The following SGCZ variants were observed in gnomAD, a reference collection of about 807,000 sequenced individuals.
SGCZ encodes zeta-sarcoglycan.
A neutral mutation model predicts 41.3 loss-of-function variants in SGCZ; 40 were observed. That is an observed-to-expected ratio of 0.97 (90% CI 0.75 to 1.26). The LOEUF is 1.26. SGCZ is among the 50% of genes most tolerant of loss of function. SGCZ has a pLI of 0.00. For missense variants in SGCZ, 552 were observed against 369.8 expected (o/e 1.49, Z -4.04); for synonymous variants, 206 against 137.5 (o/e 1.50, Z -3.49).
At chr8:14,603,246 G>A (rs1173787730) in intron 1 of SGCZ, among the ~76,000 whole-genome samples, 1 of 151,994 alleles carries the variant, frequency 6.6e-6, no homozygotes, top group African/African-American at 2.4e-5. Flanking sequence ...AAGTCACTCA[G>A]CAACGTTAGA....
chr8:14,179,331 G>A (rs568107756), intron 4 of SGCZ, among the ~76,000 whole-genome samples: 70 of 152,276 alleles, frequency 4.6e-4, no homozygotes, highest in African/African-American at 1.6e-3. Flanking sequence ...TCCTTAGGCT[G>A]GAAAGCATCC....
intron 2 of SGCZ, among the ~76,000 whole-genome samples, chr8:14,530,767 T>C (rs866116723): frequency 6.6e-6 from 1 of 152,066 alleles, no homozygotes; most frequent in Non-Finnish European, 1.5e-5. Context: ...ACCATCCCTT[T>C]AGCCCAGAAG....
intron 1 of SGCZ, among the ~76,000 whole-genome samples, chr8:14,576,522 G>T (rs1252728998): frequency 1.3e-5 from 2 of 152,170 alleles, no homozygotes; most frequent in African/African-American, 4.8e-5. Flanking sequence ...TTACACAAAA[G>T]AATGGAAAAT....
intron 1 of SGCZ, among the ~76,000 whole-genome samples, chr8:14,897,701 C>T (rs989425535): frequency 2.0e-5 from 3 of 152,192 alleles, no homozygotes; most frequent in East Asian, 1.9e-4. Flanking sequence ...AAACTCTTTA[C>T]GTTCTTGCAA....
intron 2 of SGCZ, among the ~76,000 whole-genome samples, chr8:14,455,490 A>G (rs896835077): frequency 2.1e-5 from 3 of 141,318 alleles, no homozygotes; most frequent in Non-Finnish European, 4.6e-5. Context: ...ACACACACAC[A>G]CGCATATACA....
intron 1 of SGCZ, among the ~76,000 whole-genome samples, chr8:14,837,453 G>C (rs544111864): frequency 1.3e-5 from 2 of 152,300 alleles, no homozygotes; most frequent in East Asian, 1.9e-4. Context: ...CCAGAGTGTA[G>C]AGTTGCTTGT....
intron 1 of SGCZ, among the ~76,000 whole-genome samples, chr8:15,059,085 T>C (rs1322660002): frequency 6.6e-6 from 1 of 152,172 alleles, no homozygotes; most frequent in African/African-American, 2.4e-5. Flanking sequence ...ATCAGCTAGA[T>C]TAAAATGTCT....
Position 14,221,806 on chromosome 8 carries a change from G to A in SGCZ, c.424+15786C>T, listed in dbSNP as rs532450840. 1.1e-4 allele frequency among the ~76,000 whole-genome samples: 16 copies of A among 152,066 alleles called. No homozygotes were observed. In the East Asian group the frequency reaches 2.0e-3, roughly 19 times the overall value. The stretch of plus-strand genomic sequence containing the variant: ...TAAAAAATTAGCTGGGTGTGATGGC[G>A]TGTGCCTGTAATCTCAGCTGGGTGT... On this transcript the variant is annotated intron_variant, in intron 4 of 7. Transcript: ENST00000382080.
intron 1 of SGCZ, among the ~76,000 whole-genome samples, chr8:14,786,697 G>A (rs1192297723): frequency 6.6e-6 from 1 of 151,960 alleles, no homozygotes; most frequent in Admixed American, 6.6e-5. Flanking sequence ...TTTAATTGGA[G>A]TTTATTTTTA....
chr8:14,317,561 A>G (rs1480232538), intron 3 of SGCZ, among the ~76,000 whole-genome samples: 2 of 151,862 alleles, frequency 1.3e-5, no homozygotes, highest in Admixed American at 1.3e-4. Flanking sequence ...ACAAAACGGA[A>G]TTGAAAATCT....
At chr8:14,095,524 A>G (rs1801816538) in intron 7 of SGCZ, among the ~76,000 whole-genome samples, 1 of 152,150 alleles carries the variant, frequency 6.6e-6, no homozygotes, top group Admixed American at 6.6e-5. Context: ...TAAAGTTTGA[A>G]GACATGTAGC....
chr8:14,700,844 AC>A (rs1809112866), intron 1 of SGCZ, among the ~76,000 whole-genome samples: 1 of 151,932 alleles, frequency 6.6e-6, no homozygotes, highest in Non-Finnish European at 1.5e-5. Context: ...GTGATAGAAA[AC>A]AAAGCTTATT....
At chr8:14,669,194 A>AAT (rs10672041) in intron 1 of SGCZ, among the ~76,000 whole-genome samples, 49,872 of 146,418 alleles carry the variant, frequency 0.34, 10,908 homozygotes, top group African/African-American at 0.64. Flanking sequence ...ACACACTACA[A>AAT]ATATATATAT....
intron 1 of SGCZ, among the ~76,000 whole-genome samples, chr8:14,745,032 G>A (rs1799302906): frequency 3.3e-5 from 5 of 152,208 alleles, no homozygotes; most frequent in Middle Eastern, 3.4e-3. Flanking sequence ...TCAAAGACTG[G>A]ATATTTACTC....
chr8:14,192,938 T>G (rs1310089252), intron 4 of SGCZ, among the ~76,000 whole-genome samples: 1 of 152,068 alleles, frequency 6.6e-6, no homozygotes, highest in Non-Finnish European at 1.5e-5. Flanking sequence ...CCGTGTATAT[T>G]CAAAGGTATG....
intron 4 of SGCZ, among the ~76,000 whole-genome samples, chr8:14,204,212 TG>T (rs1805545404): frequency 6.6e-6 from 1 of 151,904 alleles, no homozygotes; most frequent in Non-Finnish European, 1.5e-5. Context: ...GGGGGTAATT[TG>T]TTTGTGTCAT....
Position 14,102,507 on chromosome 8 carries a change from A to AAAAAC in SGCZ, c.621-13_621-9dup. On this transcript the variant is annotated splice_polypyrimidine_tract_variant and intron_variant, in intron 6 of 7. Transcript: ENST00000382080. The stretch of plus-strand genomic sequence containing the variant: ...CTGGTGGGTGATTCAAGCCTAAGGG[A>AAAAAC]AAAACAAAAAATCATTAATAGGAAA... 7.2e-7 allele frequency: 1 copy of AAAAAC among 1,392,526 alleles called. No individual in the cohort carries two copies. Among genetic ancestry groups the AAAAAC allele is most frequent in the Non-Finnish European group, 9.4e-7 (1 of 1,059,664 alleles). The allele number at this position is 1,392,526 out of a possible 1,614,324, so 86.3% of individuals were successfully genotyped here.
intron 1 of SGCZ, among the ~76,000 whole-genome samples, chr8:14,718,310 G>A (rs920617): frequency 0.3 from 46,073 of 151,414 alleles, 7,520 homozygotes; most frequent in East Asian, 0.42. Context: ...GATTTCTTAG[G>A]AACTAAATTA....
intron 3 of SGCZ, among the ~76,000 whole-genome samples, chr8:14,306,039 G>A (rs1240172392): frequency 6.6e-6 from 1 of 152,166 alleles, no homozygotes; most frequent in Non-Finnish European, 1.5e-5. Context: ...TGTAAACAAG[G>A]AAAACTGCCT....
Sources: allele counts gnomAD v4.1 joint callset (sites outside exome capture counted in the v4.1 genomes callset), GRCh38; gene constraint gnomAD v4.1.1; transcripts MANE v1.5; gene names NCBI Gene and HGNC (gene_info 2026-07-23, HGNC 2026-07-21).